The following CHRNB4 variants were observed in gnomAD, a reference collection of about 807,000 sequenced individuals.
CHRNB4 encodes neuronal acetylcholine receptor subunit beta-4.
In CHRNB4, 23 loss-of-function variants were observed where a neutral mutation model predicts 40.4. The ratio of observed to expected loss-of-function variants is 0.57; its 90% confidence interval spans 0.41 to 0.81. The LOEUF is 0.81. Among genes scored for constraint, CHRNB4 ranks in the 30% least tolerant of loss-of-function variants. The probability of loss-of-function intolerance (pLI) is 0.00; values close to 1 mark genes in which losing one functional copy is unlikely to be tolerated. For missense variants in CHRNB4, 568 were observed against 670.6 expected (o/e 0.85, Z 1.69); for synonymous variants, 285 against 274.4 (o/e 1.04, Z -0.38).
intron 1 of CHRNB4, 61 bp from the exon 2 acceptor site, chr15:78,635,648 G>A: frequency 6.3e-7 from 1 of 1,599,260 alleles, no homozygotes; most frequent in Non-Finnish European, 8.5e-7. Context: ...ACTGCAGCCT[G>A]TGGCAGCAGG....
exon 4 of CHRNB4, chr15:78,656,396 G>T (rs1347800912): frequency 2.0e-5 from 3 of 151,448 alleles, no homozygotes; most frequent in Admixed American, 1.3e-4. Flanking sequence ...GGTGACTAGG[G>T]TTAAACAAAA....
chr15:78,643,077 C>G (rs11637890), upstream of CHRNB4, among the ~76,000 whole-genome samples: 45,042 of 151,608 alleles, frequency 0.3, 7,525 homozygotes, highest in Non-Finnish European at 0.4. Context: ...TACCCAGAAC[C>G]TAGAAAACCA....
At chr15:78,660,224 GAATATA>G (rs1244638578) in intron 1 of CHRNB4, among the ~76,000 whole-genome samples, 1 of 148,546 alleles carries the variant, frequency 6.7e-6, no homozygotes, top group Non-Finnish European at 1.5e-5. Flanking sequence ...AAAAAAAAGT[GAATATA>G]AATATGACTA....
chr15:78,632,433 G>A (rs2053852616), intron 2 of CHRNB4, among the ~76,000 whole-genome samples: 1 of 151,924 alleles, frequency 6.6e-6, no homozygotes, highest in South Asian at 2.1e-4. Context: ...TCAGGCTCCT[G>A]AGTAGCTGGG....
upstream of CHRNB4, among the ~76,000 whole-genome samples, chr15:78,645,528 C>T (rs2054115758): frequency 6.6e-6 from 1 of 152,140 alleles, no homozygotes; most frequent in Admixed American, 6.5e-5. Context: ...ATAAATACCA[C>T]AGCTTCACCA....
At position 78,628,897 on chromosome 15, in the gene CHRNB4, G is replaced by A. The variant is rs963636723; in HGVS notation, c.1338+70C>T. On this transcript the variant is annotated intron_variant, in intron 5 of 5. Transcript: ENST00000261751. Reference sequence around the variant, plus strand: ...GTCTCCTATGAATTAACTGCAGGAAGTGGGAAGCTGGTGCTACTATCTGAG... The same window carrying A: ...GTCTCCTATGAATTAACTGCAGGAAATGGGAAGCTGGTGCTACTATCTGAG... The A allele has an allele frequency of 2.0e-6, 3 of 1,522,386 alleles. No homozygotes were observed. In the African/African-American group the frequency reaches 4.2e-5, roughly 21 times the overall value. The allele number at this position is 1,522,386 out of a possible 1,614,324, so 94.3% of individuals were successfully genotyped here.
chr15:78,632,547 G>A lies in CHRNB4; in HGVS notation c.205-1215C>T, dbSNP rs60569173. 4.9e-3 allele frequency among the ~76,000 whole-genome samples: 741 copies of A among 152,152 alleles called. 11 individuals are homozygous for A. Among genetic ancestry groups the A allele is most frequent in the East Asian group, 0.026 (134 of 5,164 alleles). Reference sequence around the variant, plus strand: ...GCTGGTCTCAAATTCCTGAGCTAAAGTGATCCATGCATCTCAGCCTCCCAA... The same window carrying A: ...GCTGGTCTCAAATTCCTGAGCTAAAATGATCCATGCATCTCAGCCTCCCAA... On this transcript the variant is annotated intron_variant, in intron 2 of 5. Coordinates refer to ENST00000261751, the MANE Select transcript of CHRNB4 (RefSeq NM_000750.5).
intron 7 of CHRNB4, among the ~76,000 whole-genome samples, chr15:78,649,061 A>G (rs1171125522): frequency 6.6e-6 from 1 of 152,138 alleles, no homozygotes; most frequent in Non-Finnish European, 1.5e-5. Flanking sequence ...TACAAGTGTG[A>G]GCCACCGCTC....
chr15:78,650,161 T>C (rs1168859599), intron 6 of CHRNB4, among the ~76,000 whole-genome samples: 1 of 152,210 alleles, frequency 6.6e-6, no homozygotes, highest in Non-Finnish European at 1.5e-5. Flanking sequence ...CCAGAGAGAC[T>C]GACATCCTGG....
intron 1 of CHRNB4, among the ~76,000 whole-genome samples, chr15:78,659,931 G>T (rs181740413): frequency 1.3e-4 from 20 of 152,248 alleles, no homozygotes; most frequent in Non-Finnish European, 2.6e-4. Context: ...ATGATGATGG[G>T]TGCGGTGGCT....
chr15:78,661,265 C>T (rs1030484956), upstream of CHRNB4: 31 of 603,634 alleles, frequency 5.1e-5, no homozygotes, highest in Middle Eastern at 5.1e-4. Flanking sequence ...CCCCCTGCCC[C>T]GCCCTGAGGA....
At chr15:78,627,027 T>G (rs2053673985) in intron 5 of CHRNB4, 1 of 152,156 alleles carries the variant, frequency 6.6e-6, no homozygotes, top group Non-Finnish European at 1.5e-5. Context: ...TGGTTAAAAA[T>G]GCAGGCTCCA....
Position 78,629,361 on chromosome 15 carries a change from C to T in CHRNB4, c.944G>A (p.Cys315Tyr). ...CGAGCGGTGGTGCACATTGAGCACA[C>T]AGACGCTGGTGACGATGGAGAAGGT... ...LVTFSIVTSV[C>Y]VLNVHHRSPS... The change falls in exon 5 of 6, where the codon TGT becomes TAT. Residue 315 changes from cysteine (C) to tyrosine (Y), a missense_variant. By Grantham distance (194) the Cys-to-Tyr change is radical. Around this residue, in one of 4 missense-constraint regions of CHRNB4, gnomAD observed 242 missense variants for 274.9 expected, o/e 0.88. Transcript: ENST00000261751. This position sits in a 1 kb window ranked among gnomAD's most constrained non-coding sequence, Gnocchi z 6.8. 2 of 1,614,050 alleles carry T rather than the reference C, an allele frequency of 1.2e-6. No homozygotes were observed. Among genetic ancestry groups the T allele is most frequent in the Non-Finnish European group, 1.7e-6 (2 of 1,180,008 alleles).
At chr15:78,646,057 C>CA (rs370310559), upstream of CHRNB4, among the ~76,000 whole-genome samples, 53,456 of 113,296 alleles carry the variant, frequency 0.47, 10,732 homozygotes, top group African/African-American at 0.53. Context: ...GAGACCGTCT[C>CA]AAAAAAAAAA....
chr15:78,629,613 T>C lies in CHRNB4; in HGVS notation c.692A>G (p.Lys231Arg). The change falls in exon 5 of 6, where the codon AAG becomes AGG. Residue 231 changes from lysine to arginine, a missense_variant. By Grantham distance (26) the Lys-to-Arg change is conservative. Around this residue, in one of 4 missense-constraint regions of CHRNB4, gnomAD observed 127 missense variants for 167.4 expected, o/e 0.76. Transcript: ENST00000261751. This position sits in a 1 kb window ranked among gnomAD's most constrained non-coding sequence, Gnocchi z 6.8. ...GAGGTTGATGGTGTAGAACAGAGGC[T>C]TGCGCTTGATGATGAAGTCGTAAGT... ...DVTYDFIIKR[K>R]PLFYTINLII... 6.2e-7 allele frequency: 1 copy of C among 1,613,956 alleles called. No homozygotes were observed.
At chr15:78,643,782 A>T (rs1455834430), upstream of CHRNB4, among the ~76,000 whole-genome samples, 1 of 152,174 alleles carries the variant, frequency 6.6e-6, no homozygotes, top group African/African-American at 2.4e-5. Flanking sequence ...TGAATTCAAG[A>T]TCATCTTTAA....
At chr15:78,648,684 C>T (rs1567138412) in intron 7 of CHRNB4, among the ~76,000 whole-genome samples, 1 of 140,886 alleles carries the variant, frequency 7.1e-6, no homozygotes, top group Non-Finnish European at 1.5e-5. Flanking sequence ...ACCCGGGAGG[C>T]GGAAGTTGCA....
chr15:78,624,871 C>T lies in CHRNB4; in HGVS notation c.*262G>A, dbSNP rs2053613658. 1 of 1,240,058 alleles carries T rather than the reference C, an allele frequency of 8.1e-7. No homozygotes were observed. Among genetic ancestry groups the T allele is most frequent in the African/African-American group, 1.5e-5 (1 of 65,936 alleles). The allele number at this position is 1,240,058 out of a possible 1,614,324, so 76.8% of individuals were successfully genotyped here. Reference sequence around the variant, plus strand: ...ACGAAGTCATCTTTATCCCCATTGCCCGGTGCAGGGAAGGAAGACAGGCCA... The same window carrying T: ...ACGAAGTCATCTTTATCCCCATTGCTCGGTGCAGGGAAGGAAGACAGGCCA... On this transcript the variant is annotated 3_prime_UTR_variant, in exon 6 of 6. Coordinates refer to ENST00000261751, the MANE Select transcript of CHRNB4 (RefSeq NM_000750.5).
chr15:78,635,247 G>C (rs12440298), intron 2 of CHRNB4, among the ~76,000 whole-genome samples, 192 bp downstream of exon 2: 2 of 152,106 alleles, frequency 1.3e-5, no homozygotes, highest in Non-Finnish European at 2.9e-5. Context: ...TTCTTTGTTA[G>C]AACAAAATCA....
Sources: allele counts gnomAD v4.1 joint callset (sites outside exome capture counted in the v4.1 genomes callset), GRCh38; gene constraint gnomAD v4.1.1; regional missense constraint gnomAD v4.1.1; non-coding constraint Gnocchi (gnomAD v3.1); transcripts MANE v1.5; gene names NCBI Gene and HGNC (gene_info 2026-07-23, HGNC 2026-07-21).